Variants in ZNF784 observed in about 807,000 individuals in gnomAD.
ZNF784 encodes zinc finger protein 784.
In ZNF784, 5 loss-of-function variants were observed where a neutral mutation model predicts 3.3. The ratio of observed to expected loss-of-function variants is 1.53; its 90% CI spans 0.80 to 3.22. The LOEUF is 3.22. Among genes scored for constraint, ZNF784 ranks in the 30% most tolerant of loss-of-function variants. The pLI is 0.00. For missense variants in ZNF784, 501 were observed against 480.7 expected, an observed-to-expected ratio of 1.04 and a Z score of -0.39; for synonymous variants, 231 against 219.6, an observed-to-expected ratio of 1.05 and a Z score of -0.46.
At chr19:55,623,344 G>C (rs1324241677) in intron 1 of ZNF784, among the ~76,000 whole-genome samples, 1 of 152,192 alleles carries the variant, frequency 6.6e-6, no homozygotes, top group East Asian at 1.9e-4. Flanking sequence ...CATCCTCCAG[G>C]ATTCTGTTGT....
chr19:55,622,298 G>A lies in ZNF784; in HGVS notation c.425C>T (p.Ala142Val), dbSNP rs776234782. The change falls in exon 2 of 2, where the codon GCG becomes GTG. Residue 142 changes from alanine to valine, a missense_variant. By Grantham distance (64) the Ala-to-Val change is moderately conservative (BLOSUM62 0). Coordinates refer to ENST00000325351, the MANE Select transcript of ZNF784 (RefSeq NM_203374.2). The surrounding 1 kb of genome is among the most constrained non-coding windows in gnomAD (Gnocchi z 5.9). ...ALCPRAFKAL[A>V]PLLRHQHRHG... ...CCGGTGCTGGTGCCGGAGCAGGGGC[G>A]CCAAGGCCTTGAAGGCGCGGGGGCA... 1.2e-5 allele frequency: 18 copies of A among 1,522,610 alleles called. No individual in the cohort carries two copies. The highest frequency in any genetic ancestry group is 2.4e-5 in the South Asian group (2 of 81,962). The allele number at this position is 1,522,610 out of a possible 1,614,324, so 94.3% of individuals were successfully genotyped here. A position where few individuals can be genotyped will look rare whatever the true frequency, so the allele number is the denominator to read the frequency against.
intron 1 of ZNF784, among the ~76,000 whole-genome samples, chr19:55,623,309 C>G (rs1446941076): frequency 6.6e-6 from 1 of 152,244 alleles, no homozygotes; most frequent in Non-Finnish European, 1.5e-5. Flanking sequence ...GCTGGGATTG[C>G]AGGCGTGAGC....
At position 55,622,293 on chromosome 19, in the gene ZNF784, G is replaced by C; in HGVS notation, c.430C>G (p.Leu144Val). Residue 144 changes from leucine to valine, a missense_variant, in exon 2 of 2, where the codon CTG (leucine) becomes GTG (valine). By Grantham distance (32) the Leu-to-Val change is conservative (BLOSUM62 1). Transcript: ENST00000325351. This position sits in a 1 kb window ranked among gnomAD's most constrained non-coding sequence, Gnocchi z 5.9. ...CPRAFKALAPLLRHQHRHGVE... is the reference protein window; with the variant it reads ...CPRAFKALAPVLRHQHRHGVE... ...CCGTGCCGGTGCTGGTGCCGGAGCAGGGGCGCCAAGGCCTTGAAGGCGCGG... is the reference window on the plus strand; with the variant it reads ...CCGTGCCGGTGCTGGTGCCGGAGCACGGGCGCCAAGGCCTTGAAGGCGCGG... The C allele has an allele frequency of 6.6e-7, 1 of 1,523,410 alleles. No homozygotes were observed. The highest frequency in any genetic ancestry group is 1.2e-5 in the South Asian group (1 of 82,104). The allele number at this position is 1,523,410 out of a possible 1,614,324, so 94.4% of individuals were successfully genotyped here. A position where few individuals can be genotyped will look rare whatever the true frequency, so the allele number is the denominator to read the frequency against.
Position 55,622,497 on chromosome 19 carries a change from GC to G in ZNF784, c.225del (p.Leu76TrpfsTer107). On this transcript the variant is annotated frameshift_variant, in exon 2 of 2. Transcript: ENST00000325351. LOFTEE classifies it low-confidence loss of function (END_TRUNC). The surrounding 1 kb of genome is among the most constrained non-coding windows in gnomAD (Gnocchi z 5.9). ...TCGTGGAACAGCAGCTCGGAAACCA[GC>G]CGGAAGGCAGCAGGGCACAAGGCAC... ...FHCALCPAAF[R>X]LVSELLFHEH... 1 of 1,612,976 alleles carries G rather than the reference GC, an allele frequency of 6.2e-7. No individual in the cohort carries two copies. The highest frequency in any genetic ancestry group is 8.5e-7 in the Non-Finnish European group (1 of 1,179,858).
chr19:55,622,411 G>T lies in ZNF784; in HGVS notation c.312C>A (p.His104Gln), dbSNP rs769182562. Residue 104 changes from histidine (H) to glutamine (Q), a missense_variant, in exon 2 of 2, where the codon CAC becomes CAA. By Grantham distance (24) the His-to-Gln change is conservative. Transcript: ENST00000325351. The surrounding 1 kb of genome is among the most constrained non-coding windows in gnomAD (Gnocchi z 5.9). ...GGCCCGGGCAGCTGTGGCCGCACAC[G>T]TGGCACCGGCTCGGGTCCCCACCCT... ...GGQGGDPSRC[H>Q]VCGHSCPGPA... 1.3e-6 allele frequency: 2 copies of T among 1,578,116 alleles called. No homozygotes were observed. The highest frequency in any genetic ancestry group is 1.7e-6 in the Non-Finnish European group (2 of 1,163,156).
intron 1 of ZNF784, among the ~76,000 whole-genome samples, chr19:55,623,643 C>A (rs76889893): frequency 0.023 from 3,510 of 152,320 alleles, 132 homozygotes; most frequent in African/African-American, 0.079. Context: ...CTCCACTTAT[C>A]TCTCTGACCC....
rs1430944551 is a variant in ZNF784 at position 55,622,338 on chromosome 19, AGG to A, written c.383_384del (p.Pro128LeufsTer112). On this transcript the variant is annotated frameshift_variant, in exon 2 of 2. Coordinates refer to ENST00000325351, the MANE Select transcript of ZNF784 (RefSeq NM_203374.2). LOFTEE classifies it low-confidence loss of function (END_TRUNC). The surrounding 1 kb of genome is among the most constrained non-coding windows in gnomAD (Gnocchi z 5.9). ...GCGCGGGGGCAGAGCGCGCAGCGGT[AGG>A]GCCGCTCCCCCGTGTGCAAGCTGTA... ...AHYSLHTGER[P>X]YRCALCPRAF... is the part of the protein sequence containing the mutation. 6.6e-7 allele frequency: 1 copy of A among 1,512,650 alleles called. No homozygotes were observed. Among genetic ancestry groups the A allele is most frequent in the Admixed American group, 2.3e-5 (1 of 43,268 alleles). 93.7% of individuals were successfully genotyped at this position (1,512,650 alleles called of 1,614,324 possible). A position where few individuals can be genotyped will look rare whatever the true frequency, so the allele number is the denominator to read the frequency against.
At chr19:55,623,138 T>G (rs1389324149) in intron 1 of ZNF784, among the ~76,000 whole-genome samples, 1 of 152,216 alleles carries the variant, frequency 6.6e-6, no homozygotes, top group African/African-American at 2.4e-5. Flanking sequence ...ATCATGCCAC[T>G]GCCCTCCAGC....
rs754786787 is a variant in ZNF784, at chr19:55,621,990, T to C, written c.733A>G (p.Ile245Val). ...QSSVLSGHAR[I>V]HTGERPFRCT... The stretch of plus-strand genomic sequence containing the variant: ...CGGAACGGGCGCTCGCCAGTGTGGA[T>C]GCGGGCGTGGCCGCTAAGCACCGAG... The change falls in exon 2 of 2, where the codon ATC (isoleucine) becomes GTC (valine). Residue 245 changes from isoleucine (I) to valine (V), a missense_variant. By Grantham distance (29) the Ile-to-Val change is conservative. Coordinates refer to ENST00000325351, the MANE Select transcript of ZNF784 (RefSeq NM_203374.2). This position sits in a 1 kb window ranked among gnomAD's most constrained non-coding sequence, Gnocchi z 4.1. The C allele has an allele frequency of 6.3e-7, 1 of 1,594,422 alleles. No individual in the cohort carries two copies. Among genetic ancestry groups the C allele is most frequent in the South Asian group, 1.1e-5 (1 of 90,182 alleles).
At chr19:55,623,100 C>G (rs558798078) in intron 1 of ZNF784, among the ~76,000 whole-genome samples, 1 of 152,298 alleles carries the variant, frequency 6.6e-6, no homozygotes, top group Non-Finnish European at 1.5e-5. Flanking sequence ...CGCTTGAACC[C>G]AGGAGGTGGA....
Position 55,622,823 on chromosome 19 carries a change from T to C in ZNF784, c.79-179A>G, listed in dbSNP as rs1021327837. Among the ~76,000 whole-genome samples the C allele has an allele frequency of 6.6e-6, 1 of 151,950 alleles. No individual in the cohort carries two copies. The highest frequency in any genetic ancestry group is 2.4e-5 in the African/African-American group (1 of 41,382). The stretch of plus-strand genomic sequence containing the variant: ...TCCTGGGCTCAAGCGATCCTCCCAC[T>C]TCATCTCCCTGAGTAGCTGGGATTA... On this transcript the variant is annotated intron_variant, in intron 1 of 1. Coordinates refer to ENST00000325351, the MANE Select transcript of ZNF784 (RefSeq NM_203374.2). This position sits in a 1 kb window ranked among gnomAD's most constrained non-coding sequence, Gnocchi z 5.9.
In ZNF784 at chr19:55,622,755, C is replaced by G; in HGVS notation, c.79-111G>C. 1 of 1,026,908 alleles carries G rather than the reference C, an allele frequency of 9.7e-7. No individual in the cohort carries two copies. Among genetic ancestry groups the G allele is most frequent in the Non-Finnish European group, 1.3e-6 (1 of 750,650 alleles). 63.6% of individuals were successfully genotyped at this position (1,026,908 alleles called of 1,614,324 possible). On this transcript the variant is annotated intron_variant, in intron 1 of 1. Transcript: ENST00000325351. The surrounding 1 kb of genome is among the most constrained non-coding windows in gnomAD (Gnocchi z 5.9). ...TCTGTTATTTTCAGACAGGGCCTCACTCTGTTGCCCTGGCGCGATCGTGGC... is the reference window on the plus strand; with the variant it reads ...TCTGTTATTTTCAGACAGGGCCTCAGTCTGTTGCCCTGGCGCGATCGTGGC...
In ZNF784 at chr19:55,621,552, TGTGTGGGC is replaced by T; in HGVS notation, c.*191_*198del. 1.4e-6 allele frequency: 1 copy of T among 710,342 alleles called. No homozygotes were observed. The highest frequency in any genetic ancestry group is 2.3e-6 in the Non-Finnish European group (1 of 436,164). 44.0% of individuals were successfully genotyped at this position (710,342 alleles called of 1,614,324 possible). On this transcript the variant is annotated 3_prime_UTR_variant, in exon 2 of 2. Coordinates refer to ENST00000325351, the MANE Select transcript of ZNF784 (RefSeq NM_203374.2). The surrounding 1 kb of genome is among the most constrained non-coding windows in gnomAD (Gnocchi z 4.1). ...CCTCTCCTAGGCCTGGCAGAGGTGC[TGTGTGGGC>T]GTGTGGGAGTCTGGAGCCTGGCCCT...
In ZNF784 at chr19:55,621,026, G is replaced by C. The variant is rs1981530481; in HGVS notation, c.*725C>G. 1 of 152,478 alleles carries C rather than the reference G, an allele frequency of 6.6e-6. No individual in the cohort carries two copies. Among genetic ancestry groups the C allele is most frequent in the Admixed American group, 6.6e-5 (1 of 15,266 alleles). The allele number at this position is 152,478 out of a possible 1,614,324, so 9.4% of individuals were successfully genotyped here. A position where few individuals can be genotyped will look rare whatever the true frequency, so the allele number is the denominator to read the frequency against. On this transcript the variant is annotated 3_prime_UTR_variant, in exon 2 of 2. Coordinates refer to ENST00000325351, the MANE Select transcript of ZNF784 (RefSeq NM_203374.2). This position sits in a 1 kb window ranked among gnomAD's most constrained non-coding sequence, Gnocchi z 4.1. ...TTTAGGAGGGGGATGCTAGGTAGCT[G>C]CTTGCTTTATGTGTTCTCAGTTGCC...
At position 55,623,067 on chromosome 19, in the gene ZNF784, T is replaced by C. The variant is rs1981627256; in HGVS notation, c.79-423A>G. On this transcript the variant is annotated intron_variant, in intron 1 of 1. Coordinates refer to ENST00000325351, the MANE Select transcript of ZNF784 (RefSeq NM_203374.2). ...GGCTGCTGCCTGTAATCCCAGCTAC[T>C]CGGGAGACTAAGACACGAGAATCGC... Among the ~76,000 whole-genome samples the C allele has an allele frequency of 2.0e-5, 3 of 152,090 alleles. No homozygotes were observed. The South Asian group carries it at 6.2e-4, about 32-fold the overall frequency.
chr19:55,621,983 G>C lies in ZNF784; in HGVS notation c.740C>G (p.Thr247Ser). Reference sequence around the variant, plus strand: ...CGTGCAGCGGAACGGGCGCTCGCCAGTGTGGATGCGGGCGTGGCCGCTAAG... The same window carrying C: ...CGTGCAGCGGAACGGGCGCTCGCCACTGTGGATGCGGGCGTGGCCGCTAAG... ...SVLSGHARIH[T>S]GERPFRCTLC... The change falls in exon 2 of 2, where the codon ACT (threonine) becomes AGT (serine). Residue 247 changes from threonine to serine, a missense_variant. Coordinates refer to ENST00000325351, the MANE Select transcript of ZNF784 (RefSeq NM_203374.2). This position sits in a 1 kb window ranked among gnomAD's most constrained non-coding sequence, Gnocchi z 4.1. 1 of 1,595,288 alleles carries C rather than the reference G, an allele frequency of 6.3e-7. No homozygotes were observed. The highest frequency in any genetic ancestry group is 8.5e-7 in the Non-Finnish European group (1 of 1,178,090).
Position 55,622,151 on chromosome 19 carries a change from G to T in ZNF784, c.572C>A (p.Ala191Glu). ...CCTGCAGGCAAAAGGCTTCCCCACC[G>T]CTGCGCCCGCCGCCGCCGCCGCCAT... Reference protein sequence around the residue: ...VVMAAAAAGAAVGKPFACRFC... With the variant: ...VVMAAAAAGAEVGKPFACRFC... Residue 191 changes from alanine to glutamate, a missense_variant, in exon 2 of 2, where the codon GCG becomes GAG. Physicochemically the swap from Ala to Glu is moderately radical, Grantham distance 107 (BLOSUM62 -1). Transcript: ENST00000325351. This position sits in a 1 kb window ranked among gnomAD's most constrained non-coding sequence, Gnocchi z 5.9. The T allele has an allele frequency of 6.5e-7, 1 of 1,534,672 alleles. No individual in the cohort carries two copies. Among genetic ancestry groups the T allele is most frequent in the Non-Finnish European group, 8.7e-7 (1 of 1,145,904 alleles).
Position 55,621,610 on chromosome 19 carries a change from G to A in ZNF784, c.*141C>T. Reference sequence around the variant, plus strand: ...TCTCCCTCTGCTCTCCATCACTAGCGGCTCACAACCATCCCTGCAGCTGTC... The same window carrying A: ...TCTCCCTCTGCTCTCCATCACTAGCAGCTCACAACCATCCCTGCAGCTGTC... On this transcript the variant is annotated 3_prime_UTR_variant, in exon 2 of 2. Transcript: ENST00000325351. This position sits in a 1 kb window ranked among gnomAD's most constrained non-coding sequence, Gnocchi z 4.1. 3 of 1,136,552 alleles carry A rather than the reference G, an allele frequency of 2.6e-6. No individual in the cohort carries two copies. Among genetic ancestry groups the A allele is most frequent in the Admixed American group, 2.4e-5 (1 of 41,010 alleles). The allele number at this position is 1,136,552 out of a possible 1,614,324, so 70.4% of individuals were successfully genotyped here.
At chr19:55,623,153 G>A (rs1451692511) in intron 1 of ZNF784, among the ~76,000 whole-genome samples, 2 of 152,166 alleles carry the variant, frequency 1.3e-5, no homozygotes, top group Non-Finnish European at 2.9e-5. Context: ...TCCAGCTCAG[G>A]CGACAGAACA....
Sources: gnomAD v4.1 joint callset for allele counts (sites outside exome capture counted in the v4.1 genomes callset) on GRCh38, gnomAD v4.1.1 for gene constraint, Gnocchi (gnomAD v3.1) non-coding constraint, MANE v1.5 for transcripts, NCBI Gene and HGNC (gene_info 2026-07-23, HGNC 2026-07-21) for gene names.